ZNF529: variants seen among roughly 807,000 people sequenced by gnomAD.
ZNF529 encodes the protein zinc finger protein 529.
ZNF529 carries 11 observed loss-of-function variants against 10.1 expected under a neutral mutation model. That is an observed-to-expected ratio of 1.09 (90% CI 0.69 to 1.81). The LOEUF is 1.81. ZNF529 is among the 40% of genes most tolerant of loss of function. The pLI is 0.00. For synonymous variants in ZNF529, 204 were observed against 215.7 expected, an observed-to-expected ratio of 0.95 and a Z score of 0.47; for missense variants, 624 against 666.8, an observed-to-expected ratio of 0.94 and a Z score of 0.71.
chr19:36,578,182 A>T (rs919077446), upstream of ZNF529, among the ~76,000 whole-genome samples: 4 of 147,630 alleles, frequency 2.7e-5, no homozygotes, highest in African/African-American at 1.0e-4. Context: ...CTCCTGCCTC[A>T]GCCTCCCAAG....
intron 2 of ZNF529, among the ~76,000 whole-genome samples, chr19:36,562,217 GA>G (rs954408151): frequency 6.1e-5 from 9 of 147,738 alleles, no homozygotes; most frequent in East Asian, 2.0e-4. Context: ...CAGCCCAGGG[GA>G]AAAAAAAAAA....
intron 4 of ZNF529, among the ~76,000 whole-genome samples, chr19:36,550,102 C>T (rs1231461148): frequency 6.6e-6 from 1 of 152,122 alleles, no homozygotes; most frequent in Non-Finnish European, 1.5e-5. Flanking sequence ...ATAAACACTG[C>T]ATGATAAAGG....
At chr19:36,586,178 C>T (rs3096622) in intron 2 of ZNF529, among the ~76,000 whole-genome samples, 49,507 of 152,080 alleles carry the variant, frequency 0.33, 8,421 homozygotes, top group South Asian at 0.42. Flanking sequence ...CCTGTTTTGT[C>T]ATCATGCAAA....
At chr19:36,580,811 C>A (rs2036447337) in intron 2 of ZNF529, 2 of 151,846 alleles carry the variant, frequency 1.3e-5, no homozygotes, top group Admixed American at 6.6e-5. Context: ...AGAAAAAACA[C>A]AATGACAGTA....
chr19:36,587,066 A>G (rs1295714300), intron 2 of ZNF529, among the ~76,000 whole-genome samples: 1 of 152,018 alleles, frequency 6.6e-6, no homozygotes, highest in African/African-American at 2.4e-5. Flanking sequence ...GGAGTTGGAG[A>G]CCAGCCTGGC....
At chr19:36,561,383 C>CTTT (rs78597357) in intron 2 of ZNF529, among the ~76,000 whole-genome samples, 3 of 137,324 alleles carry the variant, frequency 2.2e-5, no homozygotes, top group Admixed American at 7.3e-5. Flanking sequence ...AAAGAGATTT[C>CTTT]TTTTTTTTTT....
intron 1 of ZNF529, among the ~76,000 whole-genome samples, chr19:36,595,046 T>A (rs2036812148): frequency 1.3e-5 from 2 of 151,866 alleles, no homozygotes; most frequent in South Asian, 4.2e-4. Context: ...GCCTGGCTGA[T>A]TTTTGTATTT....
At chr19:36,560,030 G>A (rs1377399028) in intron 2 of ZNF529, among the ~76,000 whole-genome samples, 1 of 151,978 alleles carries the variant, frequency 6.6e-6, no homozygotes, top group African/African-American at 2.4e-5. Context: ...AGGCTGAGGC[G>A]GGAGGATCCC....
Position 36,547,519 on chromosome 19 carries a change from A to C in ZNF529, c.1039T>G (p.Phe347Val). 1 of 1,613,396 alleles carries C rather than the reference A, an allele frequency of 6.2e-7. No individual in the cohort carries two copies. Among genetic ancestry groups the C allele is most frequent in the Non-Finnish European group, 8.5e-7 (1 of 1,179,402 alleles). The change falls in exon 5 of 5, where the codon TTT (phenylalanine) becomes GTT (valine). Residue 347 changes from phenylalanine (F) to valine (V), a missense_variant. Transcript: ENST00000591340. ...TCAATGAGCTGTGAACTAATTCTAA[A>C]AACCTTCTCACAGTGCATACATTTG... ...PYKCMHCEKV[F>V]RISSQLIEHQ...
intron 4 of ZNF529, among the ~76,000 whole-genome samples, chr19:36,549,041 T>C (rs1398925880): frequency 6.6e-6 from 1 of 152,152 alleles, no homozygotes; most frequent in Non-Finnish European, 1.5e-5. Context: ...CTCCTAATCA[T>C]TTTTCATCTC....
intron 2 of ZNF529, among the ~76,000 whole-genome samples, chr19:36,585,301 T>C (rs948986507): frequency 6.6e-6 from 1 of 152,184 alleles, no homozygotes; most frequent in African/African-American, 2.4e-5. Flanking sequence ...TGACGTTTGA[T>C]AGAGAAATGA....
chr19:36,595,341 A>C (rs2036817940), intron 1 of ZNF529, among the ~76,000 whole-genome samples: 1 of 152,202 alleles, frequency 6.6e-6, no homozygotes, highest in African/African-American at 2.4e-5. Flanking sequence ...TTGTCATTTA[A>C]TCCTCATGCA....
In ZNF529 at chr19:36,572,722, C is replaced by CTATCT. The variant is rs765153285; in HGVS notation, c.-46-335_-46-331dup. On this transcript the variant is annotated intron_variant, in intron 1 of 4. Transcript: ENST00000591340. ...AGGAAACTTCATTTATCTATCTTAT[C>CTATCT]TATCTATCTATCTATCTATCTATTA... 5.1e-4 allele frequency among the ~76,000 whole-genome samples: 74 copies of CTATCT among 146,370 alleles called. 1 individual carries two copies. Among genetic ancestry groups the CTATCT allele is most frequent in the Middle Eastern group, 3.4e-3 (1 of 292 alleles).
At chr19:36,596,564 C>G (rs113932950) in intron 1 of ZNF529, among the ~76,000 whole-genome samples, 1 of 151,942 alleles carries the variant, frequency 6.6e-6, no homozygotes, top group Admixed American at 6.6e-5. Flanking sequence ...GTCACCCAGG[C>G]TGGAGTACAG....
chr19:36,555,379 C>T lies in ZNF529; in HGVS notation c.109-583G>A, dbSNP rs1170745576. Among the ~76,000 whole-genome samples, 6 of 30,404 alleles carry T rather than the reference C, an allele frequency of 2.0e-4. 2 individuals are homozygous for T. Among genetic ancestry groups the T allele is most frequent in the Admixed American group, 8.8e-4 (4 of 4,528 alleles). 19.9% of individuals were successfully genotyped at this position (30,404 alleles called of 152,430 possible). A position where few individuals can be genotyped will look rare whatever the true frequency, so the allele number is the denominator to read the frequency against. On this transcript the variant is annotated intron_variant, in intron 3 of 4. Coordinates refer to ENST00000591340, the MANE Select transcript of ZNF529 (RefSeq NM_020951.5). ...CGCAATCTCGGCTCACTGCAAGCTC[C>T]GCTTCCCGGGTTCACGCCATTCTCC... is the stretch of plus-strand genomic sequence containing the variant.
intron 2 of ZNF529, among the ~76,000 whole-genome samples, chr19:36,586,328 C>T (rs905978165): frequency 5.9e-5 from 9 of 152,064 alleles, no homozygotes; most frequent in Non-Finnish European, 8.8e-5. Context: ...AAATGGTTGC[C>T]GGGCGCGGTG....
In ZNF529 at chr19:36,553,903, T is replaced by G. The variant is rs79482478; in HGVS notation, c.235+767A>C. ...TCATGCACAAAACTATTAAAAACAT[T>G]GTATAAAATTACTTTCAGTCTATGT... On this transcript the variant is annotated intron_variant, in intron 4 of 4. Transcript: ENST00000591340. Among the ~76,000 whole-genome samples the G allele has an allele frequency of 5.6e-3, 854 of 152,326 alleles. 26 individuals carry two copies. The highest frequency in any genetic ancestry group is 0.038 in the Admixed American group (581 of 15,304).
At chr19:36,596,931 T>C (rs1013912651) in intron 1 of ZNF529, among the ~76,000 whole-genome samples, 1 of 152,156 alleles carries the variant, frequency 6.6e-6, no homozygotes, top group Non-Finnish European at 1.5e-5. Context: ...TGGAGTGCAG[T>C]GGCTCAATCA....
Position 36,548,295 on chromosome 19 carries a change from T to G in ZNF529, c.263A>C (p.His88Pro), listed in dbSNP as rs773390198. 5 of 1,589,102 alleles carry G rather than the reference T, an allele frequency of 3.1e-6. No homozygotes were observed. Among genetic ancestry groups the G allele is most frequent in the Non-Finnish European group, 4.3e-6 (5 of 1,166,064 alleles). Residue 88 changes from histidine to proline, a missense_variant, in exon 5 of 5, where the codon CAT becomes CCT. His to Pro is a moderately conservative substitution (Grantham distance 77). Coordinates refer to ENST00000591340, the MANE Select transcript of ZNF529 (RefSeq NM_020951.5). ...AATAATATCTTTTCCTACAGATAAATGCTTAGTCTCATTCCTGGACTCCAA... is the reference window on the plus strand; with the variant it reads ...AATAATATCTTTTCCTACAGATAAAGGCTTAGTCTCATTCCTGGACTCCAA... ...LDLESRNETKHLSVGKDIIQN... is the reference protein window; with the variant it reads ...LDLESRNETKPLSVGKDIIQN...
Sources: allele counts gnomAD v4.1 joint callset (sites outside exome capture counted in the v4.1 genomes callset), GRCh38; gene constraint gnomAD v4.1.1; transcripts MANE v1.5; gene names NCBI Gene and HGNC (gene_info 2026-07-23, HGNC 2026-07-21).